Variants in PCDH15 observed in about 807,000 individuals in gnomAD.
PCDH15 encodes protocadherin-15.
In PCDH15, 129 loss-of-function variants were observed where a neutral mutation model predicts 178.5. The observed-to-expected ratio is 0.72, with a 90% CI of 0.63 to 0.84. The LOEUF (loss-of-function observed/expected upper bound fraction) is 0.84, where lower values mean the gene tolerates loss of function less well. PCDH15 is among the 40% of genes least tolerant of loss of function. The pLI is 0.00. For missense variants in PCDH15, 2,230 were observed against 2,099.9 expected (o/e 1.06, Z -1.21); for synonymous variants, 800 against 732.0 (o/e 1.09, Z -1.50).
At chr10:54,752,016 G>A (rs1250909362) in intron 1 of PCDH15, among the ~76,000 whole-genome samples, 1 of 152,126 alleles carries the variant, frequency 6.6e-6, no homozygotes, top group East Asian at 1.9e-4. Context: ...TTGTTTTATT[G>A]TGAAAATGTT....
intron 29 of PCDH15, among the ~76,000 whole-genome samples, chr10:53,837,104 G>A (rs960537562): frequency 4.0e-5 from 6 of 151,828 alleles, no homozygotes; most frequent in Non-Finnish European, 8.8e-5. Context: ...CTATGTGGGC[G>A]GGGGAGGGGA....
At chr10:54,982,023 GC>G (rs1473490487) in intron 2 of PCDH15, among the ~76,000 whole-genome samples, 1 of 151,400 alleles carries the variant, frequency 6.6e-6, no homozygotes, top group Non-Finnish European at 1.5e-5. Context: ...TCATGTCTTA[GC>G]CTCCCAAACT....
At chr10:54,343,212 C>T (rs1003052268) in intron 6 of PCDH15, among the ~76,000 whole-genome samples, 1 of 152,184 alleles carries the variant, frequency 6.6e-6, no homozygotes, top group South Asian at 2.1e-4. Flanking sequence ...TTGTAATCTC[C>T]ATGAATCTAG....
chr10:54,879,117 A>T (rs1226488555), intron 3 of PCDH15, among the ~76,000 whole-genome samples: 1 of 152,124 alleles, frequency 6.6e-6, no homozygotes, highest in Non-Finnish European at 1.5e-5. Context: ...TTAGATTCAA[A>T]TGTAGCTAGT....
intron 25 of PCDH15, among the ~76,000 whole-genome samples, chr10:53,912,211 A>G: frequency 6.6e-6 from 1 of 152,232 alleles, no homozygotes; most frequent in East Asian, 1.9e-4. Flanking sequence ...GATTATCTCA[A>G]TAAATGCAGA....
intron 2 of PCDH15, among the ~76,000 whole-genome samples, chr10:55,087,242 T>C (rs1842195148): frequency 6.6e-6 from 1 of 152,156 alleles, no homozygotes; most frequent in African/African-American, 2.4e-5. Flanking sequence ...TTTGCTCACA[T>C]ATGAAATTAT....
intron 23 of PCDH15, among the ~76,000 whole-genome samples, chr10:53,953,557 G>C (rs1008785923): frequency 6.6e-6 from 1 of 151,160 alleles, no homozygotes; most frequent in Non-Finnish European, 1.5e-5. Flanking sequence ...TCAGTTCACA[G>C]GATTTGAAAA....
At chr10:54,865,066 G>C (rs779741594) in intron 3 of PCDH15, among the ~76,000 whole-genome samples, 13 of 152,068 alleles carry the variant, frequency 8.5e-5, no homozygotes, top group Non-Finnish European at 1.6e-4. Context: ...CAACTTGATT[G>C]GATTGAAGGA....
intron 1 of PCDH15, among the ~76,000 whole-genome samples, chr10:55,196,678 T>C (rs1357295761): frequency 6.6e-6 from 1 of 152,110 alleles, no homozygotes; most frequent in African/African-American, 2.4e-5. Flanking sequence ...ATTTCATTAA[T>C]GGTAATCGCT....
At chr10:54,490,210 G>A (rs533326908) in intron 3 of PCDH15, among the ~76,000 whole-genome samples, 4 of 152,236 alleles carry the variant, frequency 2.6e-5, no homozygotes, top group South Asian at 4.1e-4. Context: ...CAGCACTTTG[G>A]GAGGCTGAGG....
At chr10:54,152,453 G>GA (rs986297977) in intron 14 of PCDH15, among the ~76,000 whole-genome samples, 1 of 151,232 alleles carries the variant, frequency 6.6e-6, no homozygotes, top group Admixed American at 6.6e-5. Context: ...ACATAACTGT[G>GA]AAAAAAATAA....
At chr10:55,334,242 A>ATATATGTGTG (rs1291195941) in intron 2 of PCDH15, among the ~76,000 whole-genome samples, 52 of 72,128 alleles carry the variant, frequency 7.2e-4, no homozygotes, top group East Asian at 1.2e-3. Flanking sequence ...ATATATATAT[A>ATATATGTGTG]TGTGTGTGTG....
At chr10:54,819,661 T>C (rs987354702) in intron 3 of PCDH15, among the ~76,000 whole-genome samples, 2 of 152,046 alleles carry the variant, frequency 1.3e-5, no homozygotes, top group African/African-American at 2.4e-5. Context: ...CATTCAATAA[T>C]ATGTAATAAA....
At chr10:54,540,949 A>G (rs1311909193) in intron 2 of PCDH15, among the ~76,000 whole-genome samples, 2 of 152,154 alleles carry the variant, frequency 1.3e-5, no homozygotes, top group East Asian at 1.9e-4. Flanking sequence ...CTTTCAATAA[A>G]ATCCAACATC....
intron 5 of PCDH15, among the ~76,000 whole-genome samples, chr10:54,350,389 C>T (rs1219339432): frequency 6.6e-6 from 1 of 152,104 alleles, no homozygotes; most frequent in East Asian, 1.9e-4. Context: ...TGTATTTCTA[C>T]TACTAGATTG....
chr10:55,077,796 C>G (rs757305147), intron 2 of PCDH15, among the ~76,000 whole-genome samples: 1 of 152,190 alleles, frequency 6.6e-6, no homozygotes, highest in African/African-American at 2.4e-5. Context: ...ATCCACCTGG[C>G]TTGGCCTCTC....
intron 2 of PCDH15, among the ~76,000 whole-genome samples, chr10:55,046,338 T>G (rs11004703): frequency 6.6e-6 from 1 of 151,734 alleles, no homozygotes; most frequent in Non-Finnish European, 1.5e-5. Flanking sequence ...ACAAATCCCA[T>G]GTGGTGATAT....
intron 2 of PCDH15, among the ~76,000 whole-genome samples, chr10:55,078,166 T>A (rs1426718616): frequency 6.6e-6 from 1 of 152,204 alleles, no homozygotes; most frequent in African/African-American, 2.4e-5. Flanking sequence ...CTGTAATGTT[T>A]ATGTTGAGAA....
rs577781254 is a variant in PCDH15 at position 54,360,454 on chromosome 10, G to A, written c.474+8666C>T. Among the ~76,000 whole-genome samples, 7 of 152,122 alleles carry A rather than the reference G, an allele frequency of 4.6e-5. No homozygotes were observed. The East Asian group carries it at 1.2e-3, about 25-fold the overall frequency. On this transcript the variant is annotated intron_variant, in intron 5 of 37. Coordinates refer to ENST00000644397, the MANE Select transcript of PCDH15 (RefSeq NM_001384140.1). The stretch of plus-strand genomic sequence containing the variant: ...TGGCTTTCTGTGTGGTGAGCGGCAG[G>A]ACCTAGACCAAAGCCCTGGCATTTT...
Sources: allele counts gnomAD v4.1 joint callset (sites outside exome capture counted in the v4.1 genomes callset), GRCh38; gene constraint gnomAD v4.1.1; transcripts MANE v1.5; gene names NCBI Gene and HGNC (gene_info 2026-07-23, HGNC 2026-07-21).